CMC2: variants seen among roughly 807,000 people sequenced by gnomAD.
CMC2 encodes COX assembly mitochondrial protein 2 homolog.
A neutral mutation model predicts 7.5 loss-of-function variants in CMC2; 5 were observed. That is an observed-to-expected ratio of 0.66 (90% CI 0.35 to 1.40). The LOEUF (loss-of-function observed/expected upper bound fraction) is 1.40, where lower values mean the gene tolerates loss of function less well. Among genes scored for constraint, CMC2 ranks in the 40% most tolerant of loss-of-function variants. The probability of loss-of-function intolerance (pLI) is 0.04; values close to 1 mark genes in which losing one functional copy is unlikely to be tolerated. For synonymous variants in CMC2, 37 were observed against 31.4 expected, an observed-to-expected ratio of 1.18 and a Z score of -0.60; for missense variants, 115 against 92.3, an observed-to-expected ratio of 1.25 and a Z score of -1.01.
chr16:80,984,584 T>C lies in CMC2; in HGVS notation c.82-2707A>G, dbSNP rs549575657. ...AACTTTTTGTACTTAATTTTTATTTTACTTTTTTCTTTCCTCTATCATTCC... is the reference window on the plus strand; with the variant it reads ...AACTTTTTGTACTTAATTTTTATTTCACTTTTTTCTTTCCTCTATCATTCC... On this transcript the variant is annotated intron_variant, in intron 2 of 3. Coordinates refer to ENST00000219400, the MANE Select transcript of CMC2 (RefSeq NM_020188.5). Among the ~76,000 whole-genome samples, 12 of 152,362 alleles carry C rather than the reference T, an allele frequency of 7.9e-5. No individual in the cohort carries two copies. The South Asian group carries it at 2.5e-3, about 32-fold the overall frequency.
intron 2 of CMC2, among the ~76,000 whole-genome samples, chr16:80,996,341 C>A (rs1249016258): frequency 6.6e-6 from 1 of 152,168 alleles, no homozygotes; most frequent in East Asian, 1.9e-4. Context: ...TATAACTGAC[C>A]ATATACAAAT....
At chr16:80,992,920 G>A (rs1477098384) in intron 2 of CMC2, among the ~76,000 whole-genome samples, 1 of 152,008 alleles carries the variant, frequency 6.6e-6, no homozygotes, top group Non-Finnish European at 1.5e-5. Flanking sequence ...TGGAACTCCA[G>A]GCCTCAAACG....
chr16:81,006,014 T>C (rs1269665722), intron 1 of CMC2, among the ~76,000 whole-genome samples: 2 of 152,138 alleles, frequency 1.3e-5, no homozygotes, highest in Non-Finnish European at 2.9e-5. Context: ...GCAAAAGCCA[T>C]ACATATAAAG....
In CMC2 at chr16:80,969,703, C is replaced by A. The variant is rs1357204973; in HGVS notation, c.*6390G>T. On this transcript the variant is annotated 3_prime_UTR_variant, in exon 4 of 4. Coordinates refer to ENST00000219400, the MANE Select transcript of CMC2 (RefSeq NM_020188.5). ...GGGAGTTCAAGACCAGCCTGGGCAA[C>A]ATGGTGAAACCCCGTCTCTACTAAA... 1 of 152,278 alleles carries A rather than the reference C, an allele frequency of 6.6e-6. No homozygotes were observed. The allele number at this position is 152,278 out of a possible 1,614,324, so 9.4% of individuals were successfully genotyped here.
rs554855954 is a variant in CMC2 at position 80,976,102 on chromosome 16, G to A, written c.231C>T (p.Ser77=). 8.2e-6 allele frequency: 13 copies of A among 1,592,870 alleles called. No individual in the cohort carries two copies. Among genetic ancestry groups the A allele is most frequent in the South Asian group, 4.4e-5 (4 of 90,614 alleles). Residue 77 remains serine, a synonymous_variant, in exon 4 of 4, where the codon TCC becomes TCT. Coordinates refer to ENST00000219400, the MANE Select transcript of CMC2 (RefSeq NM_020188.5). The part of the protein sequence containing the change: ...RKKLFNPPEE[S]EK ...CGAGTGAAAATACAATTTATTTTTC[G>A]GATTCCTCTGGAGGATTAAAAAGTT...
chr16:81,001,129 G>A (rs149622937), intron 1 of CMC2: 5 of 152,330 alleles, frequency 3.3e-5, no homozygotes, highest in African/African-American at 1.2e-4. Context: ...TCACTTATAA[G>A]TGGGAGCTAA....
chr16:80,978,295 A>T (rs765229831), intron 3 of CMC2: 52 of 1,220,886 alleles, frequency 4.3e-5, no homozygotes, highest in Non-Finnish European at 5.0e-5. Flanking sequence ...AAGGGTCTTA[A>T]GGGAAACTCT....
Position 80,971,594 on chromosome 16 carries a change from TCATGC to T in CMC2, c.*4494_*4498del, listed in dbSNP as rs1567498865. The T allele has an allele frequency of 1.4e-3, 156 of 112,070 alleles. 5 individuals carry two copies. The highest frequency in any genetic ancestry group is 5.8e-3 in the African/African-American group (125 of 21,582). The allele number at this position is 112,070 out of a possible 1,614,324, so 6.9% of individuals were successfully genotyped here. A position where few individuals can be genotyped will look rare whatever the true frequency, so the allele number is the denominator to read the frequency against. On this transcript the variant is annotated 3_prime_UTR_variant, in exon 4 of 4. Coordinates refer to ENST00000219400, the MANE Select transcript of CMC2 (RefSeq NM_020188.5). The stretch of plus-strand genomic sequence containing the variant: ...TATATATATATATATATGTATGAAA[TCATGC>T]ATATATATATATGTATGAAATCATG...
At chr16:80,994,051 T>C (rs1020055899) in intron 2 of CMC2, among the ~76,000 whole-genome samples, 3 of 152,092 alleles carry the variant, frequency 2.0e-5, no homozygotes, top group African/African-American at 4.8e-5. Flanking sequence ...CACTCACATA[T>C]GGTAAATTGA....
intron 2 of CMC2, among the ~76,000 whole-genome samples, chr16:80,990,717 AT>A (rs1298910076): frequency 6.6e-6 from 1 of 151,630 alleles, no homozygotes; most frequent in Admixed American, 6.6e-5. Flanking sequence ...GTTCAAAGAA[AT>A]TTTTTTTTCT....
Position 80,976,199 on chromosome 16 carries a change from G to C in CMC2, c.154-20C>G, listed in dbSNP as rs138381032. The stretch of plus-strand genomic sequence containing the variant: ...TACGTACTGAAAAATAAAAGAAGGG[G>C]GGGAGAAAAGAAACAGCAGATTATG... On this transcript the variant is annotated intron_variant, in intron 3 of 3. Coordinates refer to ENST00000219400, the MANE Select transcript of CMC2 (RefSeq NM_020188.5). 9.5e-5 allele frequency: 132 copies of C among 1,382,956 alleles called. 2 individuals carry two copies. In the African/African-American group the frequency reaches 1.7e-3, roughly 18 times the overall value. The allele number at this position is 1,382,956 out of a possible 1,614,324, so 85.7% of individuals were successfully genotyped here.
chr16:81,003,252 T>C (rs1003814935), intron 1 of CMC2, among the ~76,000 whole-genome samples: 1 of 152,244 alleles, frequency 6.6e-6, no homozygotes, highest in Non-Finnish European at 1.5e-5. Flanking sequence ...AGTAACACAA[T>C]TTAACTCAAA....
intron 2 of CMC2, chr16:80,982,550 G>C (rs1967206391): frequency 7.3e-6 from 1 of 136,078 alleles, no homozygotes; most frequent in Non-Finnish European, 1.6e-5. Context: ...GTGAATACTA[G>C]TCTATTTTGT....
intron 3 of CMC2, 50 bp downstream of exon 3, chr16:80,981,756 A>G: frequency 8.2e-7 from 1 of 1,219,750 alleles, no homozygotes. Flanking sequence ...ATATTCAAAA[A>G]TGTTCTGTTC....
chr16:80,997,557 C>T (rs1968527031), intron 1 of CMC2, 128 bp from the exon 2 acceptor site: 1 of 517,280 alleles, frequency 1.9e-6, no homozygotes, highest in African/African-American at 1.9e-5. Context: ...TGTGTGACCT[C>T]AGGCAAATTA....
chr16:81,004,079 T>C (rs1969057217), intron 1 of CMC2, among the ~76,000 whole-genome samples: 3 of 152,044 alleles, frequency 2.0e-5, no homozygotes, highest in Admixed American at 1.3e-4. Context: ...AAAAATTCGC[T>C]GGGCGTGGTG....
chr16:80,987,697 C>A (rs549205659), intron 2 of CMC2, among the ~76,000 whole-genome samples: 1 of 152,238 alleles, frequency 6.6e-6, no homozygotes, highest in Non-Finnish European at 1.5e-5. Context: ...AAAAGCACAG[C>A]AAGGTAGGCT....
rs149413736 is a variant in CMC2 at position 80,978,877 on chromosome 16, C to A, written c.154-2698G>T. Among the ~76,000 whole-genome samples, 407 of 152,158 alleles carry A rather than the reference C, an allele frequency of 2.7e-3. 3 individuals are homozygous for A. The highest frequency in any genetic ancestry group is 9.3e-3 in the African/African-American group (388 of 41,514). On this transcript the variant is annotated intron_variant, in intron 3 of 3. Coordinates refer to ENST00000219400, the MANE Select transcript of CMC2 (RefSeq NM_020188.5). ...CGGGCGGATAACAAGCTCAGAAGATCAAGACCATCCTAGCTAACACGGTGA... is the reference window on the plus strand; with the variant it reads ...CGGGCGGATAACAAGCTCAGAAGATAAAGACCATCCTAGCTAACACGGTGA...
At position 80,974,539 on chromosome 16, in the gene CMC2, A is replaced by G. The variant is rs1186149012; in HGVS notation, c.*1554T>C. The G allele has an allele frequency of 6.6e-6, 1 of 150,926 alleles. No homozygotes were observed. Among genetic ancestry groups the G allele is most frequent in the Non-Finnish European group, 1.5e-5 (1 of 68,022 alleles). The allele number at this position is 150,926 out of a possible 1,614,324, so 9.3% of individuals were successfully genotyped here. On this transcript the variant is annotated 3_prime_UTR_variant, in exon 4 of 4. Transcript: ENST00000219400. ...ATATTCTAGTCATGCTAAATGCCTT[A>G]AAGTGCGCCTCAGAATGTATCCCAT...
Sources: allele counts gnomAD v4.1 joint callset (sites outside exome capture counted in the v4.1 genomes callset), GRCh38; gene constraint gnomAD v4.1.1; transcripts MANE v1.5; gene names NCBI Gene and HGNC (gene_info 2026-07-23, HGNC 2026-07-21).